SFMBT2: variants seen among roughly 807,000 people sequenced by gnomAD.
SFMBT2 encodes scm-like with four MBT domains protein 2.
A neutral mutation model predicts 110.1 loss-of-function variants in SFMBT2; 38 were observed. The observed-to-expected ratio is 0.35, with a 90% CI of 0.27 to 0.45. The LOEUF (loss-of-function observed/expected upper bound fraction) is 0.45, where lower values mean the gene tolerates loss of function less well. Among genes scored for constraint, SFMBT2 ranks in the 20% least tolerant of loss-of-function variants. The probability of loss-of-function intolerance (pLI) is 1.00; values close to 1 mark genes in which losing one functional copy is unlikely to be tolerated. For synonymous variants in SFMBT2, 425 were observed against 425.4 expected (o/e 1.00, Z 0.01); for missense variants, 1,011 against 1,094.9 (o/e 0.92, Z 1.08).
rs1451911595 is a variant in SFMBT2, at chr10:7,301,316, C to G, written c.437-15362G>C. Among the ~76,000 whole-genome samples, 1 of 152,242 alleles carries G rather than the reference C, an allele frequency of 6.6e-6. No homozygotes were observed. Among genetic ancestry groups the G allele is most frequent in the Admixed American group, 6.5e-5 (1 of 15,288 alleles). ...AAGACACTATGGACTAGTTGCCAGTCCCTCTACAGGGATCGTTTTGAAAGG... is the reference window on the plus strand; with the variant it reads ...AAGACACTATGGACTAGTTGCCAGTGCCTCTACAGGGATCGTTTTGAAAGG... On this transcript the variant is annotated intron_variant, in intron 4 of 20. Coordinates refer to ENST00000397167, the MANE Select transcript of SFMBT2 (RefSeq NM_001387889.1). The surrounding 1 kb of genome is among the most constrained non-coding windows in gnomAD (Gnocchi z 4.2).
chr10:7,254,919 G>A (rs1420757822), intron 7 of SFMBT2, among the ~76,000 whole-genome samples: 2 of 152,126 alleles, frequency 1.3e-5, no homozygotes, highest in Middle Eastern at 3.2e-3. Flanking sequence ...TGATCTAAAA[G>A]GCAAAACTAG....
intron 11 of SFMBT2, among the ~76,000 whole-genome samples, chr10:7,217,546 A>G (rs551979555): frequency 5.2e-4 from 79 of 152,288 alleles, no homozygotes; most frequent in African/African-American, 1.9e-3. Flanking sequence ...ACTCCAAAAA[A>G]AGATGCTAAG....
intron 16 of SFMBT2, among the ~76,000 whole-genome samples, chr10:7,184,554 T>C (rs1838339796): frequency 6.6e-6 from 1 of 151,944 alleles, no homozygotes; most frequent in Non-Finnish European, 1.5e-5. Flanking sequence ...ACTAATACGG[T>C]AGTTAAAAGT....
intron 1 of SFMBT2, among the ~76,000 whole-genome samples, chr10:7,407,058 A>G (rs1443664946): frequency 2.0e-5 from 3 of 152,176 alleles, no homozygotes; most frequent in Non-Finnish European, 4.4e-5. Context: ...GGTCCCAGCA[A>G]GAGCAAAGAT....
chr10:7,215,746 G>T, intron 11 of SFMBT2: 1 of 985,304 alleles, frequency 1.0e-6, no homozygotes, highest in Non-Finnish European at 1.2e-6. Flanking sequence ...ATAGACATCA[G>T]GGCCTGACCT....
At chr10:7,371,468 G>T (rs927185037) in intron 2 of SFMBT2, among the ~76,000 whole-genome samples, 3 of 152,102 alleles carry the variant, frequency 2.0e-5, no homozygotes, top group Non-Finnish European at 4.4e-5. Flanking sequence ...ACACACCCAG[G>T]CTTGAAGGAA....
chr10:7,172,314 C>A lies in SFMBT2; in HGVS notation c.2152-156G>T, dbSNP rs1209746358. 2.0e-6 allele frequency: 2 copies of A among 985,180 alleles called. No homozygotes were observed. The highest frequency in any genetic ancestry group is 2.4e-6 in the Non-Finnish European group (2 of 829,794). The allele number at this position is 985,180 out of a possible 1,614,324, so 61.0% of individuals were successfully genotyped here. ...GTGGGCCCTACGAGGCCCTTCCCAG[C>A]CAAAGCAGCTGGACACACTACATTT... On this transcript the variant is annotated intron_variant, in intron 18 of 20. Transcript: ENST00000397167. The surrounding 1 kb of genome is among the most constrained non-coding windows in gnomAD (Gnocchi z 4.6).
intron 16 of SFMBT2, among the ~76,000 whole-genome samples, chr10:7,185,903 C>G (rs1476556543): frequency 6.6e-6 from 1 of 151,816 alleles, no homozygotes; most frequent in Non-Finnish European, 1.5e-5. Flanking sequence ...GTAAATTGAG[C>G]ATATTTAAAT....
intron 11 of SFMBT2, chr10:7,207,683 C>T: frequency 2.3e-6 from 2 of 868,512 alleles, no homozygotes. Context: ...TAAATGCCAA[C>T]AACCAAACAC....
intron 9 of SFMBT2, chr10:7,228,341 T>C (rs76387175): frequency 6.3e-5 from 50 of 799,750 alleles, no homozygotes; most frequent in African/African-American, 2.7e-4. Context: ...GGTGTCTTTA[T>C]GGAAAACATG....
At chr10:7,217,564 A>G (rs1362731151) in intron 11 of SFMBT2, among the ~76,000 whole-genome samples, 1 of 152,198 alleles carries the variant, frequency 6.6e-6, no homozygotes. Flanking sequence ...AAGGAAGACA[A>G]TGCAAGCAGG....
In SFMBT2 at chr10:7,215,714, T is replaced by A. The variant is rs541956537; in HGVS notation, c.1330+4697A>T. On this transcript the variant is annotated intron_variant, in intron 11 of 20. Transcript: ENST00000397167. Reference sequence around the variant, plus strand: ...GCCAGAGGGCGGCTGGCCGATGAATTTAAGCCCACTGACTCAACTTCATAG... The same window carrying A: ...GCCAGAGGGCGGCTGGCCGATGAATATAAGCCCACTGACTCAACTTCATAG... The A allele has an allele frequency of 1.1e-5, 11 of 985,410 alleles. No homozygotes were observed. In the African/African-American group the frequency reaches 1.9e-4, roughly 17 times the overall value. The allele number at this position is 985,410 out of a possible 1,614,324, so 61.0% of individuals were successfully genotyped here. A position where few individuals can be genotyped will look rare whatever the true frequency, so the allele number is the denominator to read the frequency against.
chr10:7,369,189 T>A (rs1350552414), intron 3 of SFMBT2, among the ~76,000 whole-genome samples: 2 of 152,012 alleles, frequency 1.3e-5, no homozygotes, highest in Non-Finnish European at 2.9e-5. Context: ...AAATAAGGAA[T>A]CAAAGTTCTG....
chr10:7,344,732 C>G lies in SFMBT2; in HGVS notation c.436+22917G>C, dbSNP rs146829583. Among the ~76,000 whole-genome samples, 489 of 151,948 alleles carry G rather than the reference C, an allele frequency of 3.2e-3. 10 individuals are homozygous for G. The East Asian group carries it at 0.057, about 18-fold the overall frequency. ...CTGTAATCCCAGCACTTTGGGAGGC[C>G]AAGAAGGGTGGATCATGAGGTCAGG... On this transcript the variant is annotated intron_variant, in intron 4 of 20. Coordinates refer to ENST00000397167, the MANE Select transcript of SFMBT2 (RefSeq NM_001387889.1).
intron 9 of SFMBT2, among the ~76,000 whole-genome samples, chr10:7,231,235 C>T (rs1016653770): frequency 3.3e-5 from 5 of 152,136 alleles, no homozygotes; most frequent in African/African-American, 7.2e-5. Context: ...TTTTGGAAGA[C>T]GGACTTTGTT....
chr10:7,345,009 C>G (rs936965538), intron 4 of SFMBT2, among the ~76,000 whole-genome samples: 2 of 136,036 alleles, frequency 1.5e-5, no homozygotes, highest in Non-Finnish European at 3.2e-5. Flanking sequence ...AAAGATGATA[C>G]AAGAGAGTTG....
intron 4 of SFMBT2, among the ~76,000 whole-genome samples, chr10:7,346,934 A>T (rs533597208): frequency 6.6e-6 from 1 of 152,160 alleles, no homozygotes; most frequent in Admixed American, 6.5e-5. Flanking sequence ...AGGTTACAGT[A>T]AGCCGAGATT....
intron 9 of SFMBT2, chr10:7,241,443 A>G: frequency 1.5e-6 from 1 of 688,026 alleles, no homozygotes; most frequent in Non-Finnish European, 1.8e-6. Flanking sequence ...ATGAAGAAAT[A>G]TTCTTTTGAG....
intron 6 of SFMBT2, among the ~76,000 whole-genome samples, chr10:7,277,635 A>G (rs1841825240): frequency 6.6e-6 from 1 of 151,922 alleles, no homozygotes; most frequent in Non-Finnish European, 1.5e-5. Flanking sequence ...ATGCAAAATT[A>G]AAAGGAAAAA....
Sources: gnomAD v4.1 joint callset for allele counts (sites outside exome capture counted in the v4.1 genomes callset) on GRCh38, gnomAD v4.1.1 for gene constraint, Gnocchi (gnomAD v3.1) non-coding constraint, MANE v1.5 for transcripts, NCBI Gene and HGNC (gene_info 2026-07-23, HGNC 2026-07-21) for gene names.